EDA: variants seen among roughly 807,000 people sequenced by gnomAD.
The protein encoded by EDA is ectodysplasin A.
In EDA, 2 loss-of-function variants were observed where a neutral mutation model predicts 23.6. The ratio of observed to expected loss-of-function variants is 0.08; its 90% CI spans 0.03 to 0.27. The LOEUF (loss-of-function observed/expected upper bound fraction) is 0.27. EDA is among the 10% of genes least tolerant of loss of function. EDA has a pLI of 1.00. For missense variants in EDA, 229 were observed against 324.2 expected, an observed-to-expected ratio of 0.71 and a Z score of 2.26; for synonymous variants, 131 against 132.0, an observed-to-expected ratio of 0.99 and a Z score of 0.05.
intron 1 of EDA, among the ~76,000 whole-genome samples, chrX:69,832,714 T>C (rs1404009316): frequency 4.5e-5 from 5 of 111,586 alleles, no homozygotes; most frequent in Non-Finnish European, 7.5e-5. Context: ...TTTTATTTCC[T>C]TGAGCAGTGG....
intron 1 of EDA, among the ~76,000 whole-genome samples, chrX:69,788,644 C>T (rs987280731): frequency 3.6e-5 from 4 of 112,428 alleles, no homozygotes; most frequent in African/African-American, 1.3e-4. Context: ...AGGCAGTCTG[C>T]CCGTTCTCAG....
chrX:69,819,980 C>T (rs112372692), intron 1 of EDA, among the ~76,000 whole-genome samples: 1,561 of 109,920 alleles, frequency 0.014, 14 homozygotes, highest in Non-Finnish European at 0.023. Context: ...ATCAGGCTAC[C>T]CGACTTCAAA....
chrX:69,634,584 G>T (rs906084739), intron 1 of EDA, among the ~76,000 whole-genome samples: 1 of 111,211 alleles, frequency 9.0e-6, no homozygotes, highest in Non-Finnish European at 1.9e-5. Flanking sequence ...CTCCCAGAGT[G>T]CTGGGATTAC....
intron 1 of EDA, among the ~76,000 whole-genome samples, chrX:69,815,881 T>C (rs1304547438): frequency 8.9e-6 from 1 of 112,423 alleles, no homozygotes; most frequent in African/African-American, 3.2e-5. Flanking sequence ...TCCTCCTGAC[T>C]GGGTGAGATC....
intron 2 of EDA, among the ~76,000 whole-genome samples, chrX:70,018,051 C>A (rs2019976661): frequency 9.0e-6 from 1 of 111,448 alleles, no homozygotes; most frequent in East Asian, 2.8e-4. Flanking sequence ...TTCCTATACA[C>A]CAGCAACATC....
intron 1 of EDA, among the ~76,000 whole-genome samples, chrX:69,688,767 G>A (rs1038609406): frequency 2.7e-5 from 3 of 111,696 alleles, no homozygotes; most frequent in African/African-American, 9.8e-5. Flanking sequence ...TGAAGAGGAG[G>A]ATAATGAGGT....
At chrX:69,876,363 T>A (rs190340620) in intron 1 of EDA, among the ~76,000 whole-genome samples, 236 of 103,751 alleles carry the variant, frequency 2.3e-3, no homozygotes, top group African/African-American at 7.9e-3. Flanking sequence ...ATCTTAGAAA[T>A]CACCATTGAA....
At chrX:69,620,019 A>G (rs1454931533) in intron 1 of EDA, among the ~76,000 whole-genome samples, 1 of 111,817 alleles carries the variant, frequency 8.9e-6, no homozygotes, top group Non-Finnish European at 1.9e-5. Flanking sequence ...AATTGATCAA[A>G]AGGATGAAGG....
At chrX:69,698,223 G>C in intron 1 of EDA, among the ~76,000 whole-genome samples, 1 of 111,568 alleles carries the variant, frequency 9.0e-6, no homozygotes, top group Non-Finnish European at 1.9e-5. Context: ...CAGGGACTCC[G>C]AGGGTGTTGC....
intron 1 of EDA, among the ~76,000 whole-genome samples, chrX:69,930,745 G>A (rs2018587194): frequency 9.0e-6 from 1 of 111,319 alleles, no homozygotes; most frequent in African/African-American, 3.3e-5. Flanking sequence ...TTTATACACA[G>A]ACGACATGAT....
intron 1 of EDA, among the ~76,000 whole-genome samples, chrX:69,699,414 G>A (rs1264981137): frequency 9.0e-6 from 1 of 111,311 alleles, no homozygotes; most frequent in Non-Finnish European, 1.9e-5. Context: ...GCATGGTGAT[G>A]TGGGGAGTTT....
At chrX:69,674,926 C>G (rs910464678) in intron 1 of EDA, among the ~76,000 whole-genome samples, 3 of 112,019 alleles carry the variant, frequency 2.7e-5, no homozygotes, top group Non-Finnish European at 5.6e-5. Context: ...CCTTGAACCT[C>G]TGAAGTGTAA....
At chrX:69,770,064 A>G (rs143838758) in intron 1 of EDA, among the ~76,000 whole-genome samples, 1,154 of 112,234 alleles carry the variant, frequency 0.01, 6 homozygotes, top group Non-Finnish European at 0.017. Flanking sequence ...TTCTCTGCAC[A>G]TTCACCCAAG....
chrX:70,013,367 G>A (rs1359146272), intron 2 of EDA, among the ~76,000 whole-genome samples: 4 of 110,735 alleles, frequency 3.6e-5, no homozygotes, highest in African/African-American at 9.9e-5. Flanking sequence ...ACCAGATAGG[G>A]CCCCCAACTT....
At chrX:69,962,710 C>A (rs1243548874) in intron 2 of EDA, among the ~76,000 whole-genome samples, 1 of 112,127 alleles carries the variant, frequency 8.9e-6, no homozygotes, top group African/African-American at 3.2e-5. Flanking sequence ...GGATCACAGG[C>A]ACGAGCCACT....
chrX:69,647,539 G>A (rs894577613), intron 1 of EDA, among the ~76,000 whole-genome samples: 1 of 111,894 alleles, frequency 8.9e-6, no homozygotes, highest in Non-Finnish European at 1.9e-5. Flanking sequence ...AGCTCCATCA[G>A]GTTGGCTGTG....
intron 2 of EDA, among the ~76,000 whole-genome samples, chrX:69,962,449 T>G (rs2019115105): frequency 8.9e-6 from 1 of 112,435 alleles, no homozygotes; most frequent in Non-Finnish European, 1.9e-5. Flanking sequence ...ATTTTATTTT[T>G]GAGAGGGAAT....
At chrX:69,904,979 C>A (rs1437363354) in intron 1 of EDA, among the ~76,000 whole-genome samples, 1 of 112,201 alleles carries the variant, frequency 8.9e-6, no homozygotes, top group Non-Finnish European at 1.9e-5. Context: ...AATAGTGCTG[C>A]AATAAACATG....
At chrX:70,005,123 G>T (rs1290598663) in intron 2 of EDA, among the ~76,000 whole-genome samples, 2 of 111,550 alleles carry the variant, frequency 1.8e-5, no homozygotes, top group Non-Finnish European at 1.9e-5. Context: ...GAAAGCTGGA[G>T]CCTACTACCT....
Sources: gnomAD v4.1 joint callset for allele counts (sites outside exome capture counted in the v4.1 genomes callset) on GRCh38, gnomAD v4.1.1 for gene constraint, MANE v1.5 for transcripts, NCBI Gene and HGNC (gene_info 2026-07-23, HGNC 2026-07-21) for gene names.